Variants in B3GAT2 observed in about 807,000 individuals in gnomAD.
The protein encoded by B3GAT2 is beta-1,3-glucuronyltransferase 2, also known as galactosylgalactosylxylosylprotein 3-beta-glucuronosyltransferase 2.
Under a neutral mutation model 27.8 loss-of-function variants are expected in B3GAT2, and 26 were observed. The ratio of observed to expected loss-of-function variants is 0.93; its 90% CI spans 0.68 to 1.30. B3GAT2 has a LOEUF of 1.30. Among genes scored for constraint, B3GAT2 ranks in the 50% most tolerant of loss-of-function variants. The pLI is 0.00. For missense variants in B3GAT2, 458 were observed against 459.0 expected (o/e 1.00, Z 0.02); for synonymous variants, 218 against 195.1 (o/e 1.12, Z -0.98).
chr6:70,870,547 T>C (rs1451073205), intron 2 of B3GAT2, among the ~76,000 whole-genome samples: 1 of 147,478 alleles, frequency 6.8e-6, no homozygotes, highest in Non-Finnish European at 1.5e-5. Context: ...ATAATAATAA[T>C]AAAAAAAAGA....
intron 1 of B3GAT2, among the ~76,000 whole-genome samples, chr6:70,916,747 G>T (rs543744504): frequency 6.6e-6 from 1 of 152,092 alleles, no homozygotes; most frequent in African/African-American, 2.4e-5. Context: ...GGATGAAGTC[G>T]ACTTGATCGT....
chr6:70,857,936 C>G lies in B3GAT2; in HGVS notation c.*3727G>C. On this transcript the variant is annotated 3_prime_UTR_variant, in exon 4 of 4. Coordinates refer to ENST00000230053, the MANE Select transcript of B3GAT2 (RefSeq NM_080742.3). Reference sequence around the variant, plus strand: ...TTGTGGTGCAGGTGTATTTATGGGACCCACAAATATACCATTTACCTCACA... The same window carrying G: ...TTGTGGTGCAGGTGTATTTATGGGAGCCACAAATATACCATTTACCTCACA... 1 of 1,613,908 alleles carries G rather than the reference C, an allele frequency of 6.2e-7. No homozygotes were observed. Among genetic ancestry groups the G allele is most frequent in the Non-Finnish European group, 8.5e-7 (1 of 1,179,892 alleles).
At position 70,870,629 on chromosome 6, in the gene B3GAT2, TAAAA is replaced by T. The variant is rs1401470854; in HGVS notation, c.737-8655_737-8652del. Among the ~76,000 whole-genome samples the T allele has an allele frequency of 2.6e-5, 4 of 151,532 alleles. No individual in the cohort carries two copies. The East Asian group carries it at 5.8e-4, about 22-fold the overall frequency. ...TAAATAAACCCTCAAGAAAATCTCTTAAAAACAAACAAACAAACAAACAAAAAAA... is the reference window on the plus strand; with the variant it reads ...TAAATAAACCCTCAAGAAAATCTCTTACAAACAAACAAACAAACAAAAAAA... On this transcript the variant is annotated intron_variant, in intron 2 of 3. Coordinates refer to ENST00000230053, the MANE Select transcript of B3GAT2 (RefSeq NM_080742.3).
chr6:70,869,266 C>A (rs1296279330), intron 2 of B3GAT2, among the ~76,000 whole-genome samples: 1 of 152,112 alleles, frequency 6.6e-6, no homozygotes, highest in Non-Finnish European at 1.5e-5. Flanking sequence ...GCTCCTGCCT[C>A]AGCCTCCTGA....
chr6:70,916,962 C>T (rs1385847319), intron 1 of B3GAT2, among the ~76,000 whole-genome samples: 2 of 152,112 alleles, frequency 1.3e-5, no homozygotes, highest in African/African-American at 4.8e-5. Flanking sequence ...GGAATAGTTT[C>T]AGAAGGAATG....
At chr6:70,952,853 T>C (rs1375275680) in intron 1 of B3GAT2, among the ~76,000 whole-genome samples, 2 of 152,226 alleles carry the variant, frequency 1.3e-5, no homozygotes, top group Non-Finnish European at 2.9e-5. Context: ...GGCTGAAAAT[T>C]AGTTAGCTGT....
At chr6:70,863,759 G>A (rs1157634305) in intron 2 of B3GAT2, among the ~76,000 whole-genome samples, 2 of 152,148 alleles carry the variant, frequency 1.3e-5, no homozygotes, top group Admixed American at 1.3e-4. Flanking sequence ...AAATACTATT[G>A]TCAGTGTGAT....
At chr6:70,889,620 G>A (rs931799585) in intron 2 of B3GAT2, among the ~76,000 whole-genome samples, 4 of 151,920 alleles carry the variant, frequency 2.6e-5, no homozygotes, top group African/African-American at 9.7e-5. Context: ...CACAACCCTC[G>A]AGTTGGAGGG....
chr6:70,878,929 C>T (rs1167448031), intron 2 of B3GAT2, among the ~76,000 whole-genome samples: 1 of 151,960 alleles, frequency 6.6e-6, no homozygotes, highest in Non-Finnish European at 1.5e-5. Flanking sequence ...TCTCCCATTT[C>T]CTATCCTCTC....
At chr6:70,936,879 C>G (rs1765290741) in intron 1 of B3GAT2, among the ~76,000 whole-genome samples, 1 of 152,066 alleles carries the variant, frequency 6.6e-6, no homozygotes, top group Admixed American at 6.5e-5. Flanking sequence ...CAAAAGCTAG[C>G]AGAAGGCAAG....
chr6:70,867,966 T>C (rs559431279), intron 2 of B3GAT2, among the ~76,000 whole-genome samples: 101 of 152,202 alleles, frequency 6.6e-4, no homozygotes, highest in African/African-American at 2.4e-3. Flanking sequence ...CACTTGAGGA[T>C]TATCTCCAGA....
chr6:70,888,624 G>T (rs1456509944), intron 2 of B3GAT2, among the ~76,000 whole-genome samples: 1 of 152,060 alleles, frequency 6.6e-6, no homozygotes, highest in East Asian at 1.9e-4. Flanking sequence ...CCAACATGTG[G>T]TTCTCAAACT....
At chr6:70,921,919 C>T (rs1415766320) in intron 1 of B3GAT2, among the ~76,000 whole-genome samples, 2 of 152,088 alleles carry the variant, frequency 1.3e-5, no homozygotes, top group South Asian at 2.1e-4. Context: ...TGGTACTGGG[C>T]CCCCCAACTT....
Position 70,956,317 on chromosome 6 carries a change from G to A in B3GAT2, c.113C>T (p.Pro38Leu). Reference sequence around the variant, plus strand: ...GCCCACCGCGTAGGGAGAGAAGTAGGGGCGCGGGGTGAGCGGGGGCACTGG... The same window carrying A: ...GCCCACCGCGTAGGGAGAGAAGTAGAGGCGCGGGGTGAGCGGGGGCACTGG... ...RRPVPPLTPR[P>L]YFSPYAVGRG... Residue 38 changes from proline (P) to leucine (L), a missense_variant, in exon 1 of 4, where the codon CCC becomes CTC. Transcript: ENST00000230053. 1 of 1,591,596 alleles carries A rather than the reference G, an allele frequency of 6.3e-7. No individual in the cohort carries two copies.
At chr6:70,898,772 G>C (rs1430336174) in intron 1 of B3GAT2, among the ~76,000 whole-genome samples, 2 of 152,140 alleles carry the variant, frequency 1.3e-5, no homozygotes, top group East Asian at 3.9e-4. Context: ...CTCTTGGCAA[G>C]TGTTTAAATA....
At chr6:70,900,249 G>A (rs1021413100) in intron 1 of B3GAT2, among the ~76,000 whole-genome samples, 11 of 152,146 alleles carry the variant, frequency 7.2e-5, no homozygotes, top group African/African-American at 2.7e-4. Flanking sequence ...GGACACACAA[G>A]ATATATTTGG....
intron 2 of B3GAT2, among the ~76,000 whole-genome samples, chr6:70,883,501 G>A (rs952990069): frequency 1.3e-5 from 2 of 150,440 alleles, no homozygotes; most frequent in Non-Finnish European, 3.0e-5. Context: ...CCACTTATAT[G>A]AGGTACCTAG....
At chr6:70,861,999 AAAAAG>A in intron 2 of B3GAT2, 21 bp from the exon 3 acceptor site, 1 of 1,567,268 alleles carries the variant, frequency 6.4e-7, no homozygotes, top group Non-Finnish European at 8.6e-7. Flanking sequence ...AATAAAAAAA[AAAAAG>A]AGACTTTAAA....
intron 2 of B3GAT2, among the ~76,000 whole-genome samples, chr6:70,878,545 T>A (rs1772050333): frequency 6.6e-6 from 1 of 152,274 alleles, no homozygotes; most frequent in Non-Finnish European, 1.5e-5. Flanking sequence ...ATCACATTTT[T>A]ACATGTCTTT....
Sources: gnomAD v4.1 joint callset for allele counts (sites outside exome capture counted in the v4.1 genomes callset) on GRCh38, gnomAD v4.1.1 for gene constraint, MANE v1.5 for transcripts, NCBI Gene and HGNC (gene_info 2026-07-23, HGNC 2026-07-21) for gene names.